Variants in UNC5D observed in about 807,000 individuals in gnomAD.
The protein encoded by UNC5D is netrin receptor UNC5D.
A neutral mutation model predicts 105.4 loss-of-function variants in UNC5D; 39 were observed. That is an observed-to-expected ratio of 0.37 (90% CI 0.29 to 0.48). The LOEUF is 0.48. Ranked by LOEUF, UNC5D falls within the 20% of genes least tolerant of loss-of-function variation. The pLI is 0.98. For synonymous variants in UNC5D, 452 were observed against 450.4 expected (o/e 1.00, Z -0.04); for missense variants, 991 against 1,202.4 (o/e 0.82, Z 2.60).
chr8:35,305,266 G>A (rs1187567462), intron 1 of UNC5D, among the ~76,000 whole-genome samples: 2 of 152,076 alleles, frequency 1.3e-5, no homozygotes, highest in African/African-American at 2.4e-5. Flanking sequence ...ACCACGGTCA[G>A]AACTATCTTA....
chr8:35,569,192 T>A (rs1210797525), intron 3 of UNC5D, among the ~76,000 whole-genome samples: 2 of 152,138 alleles, frequency 1.3e-5, no homozygotes, highest in South Asian at 4.1e-4. Flanking sequence ...ATACACAAAC[T>A]TTTTTTCTCC....
intron 2 of UNC5D, among the ~76,000 whole-genome samples, chr8:35,557,797 G>A (rs1373710329): frequency 6.6e-6 from 1 of 151,986 alleles, no homozygotes; most frequent in African/African-American, 2.4e-5. Context: ...TGGTGTCATG[G>A]CTGTTGTCAC....
rs548663920 is a variant in UNC5D, at chr8:35,631,595, A to G, written c.570+35938A>G. On this transcript the variant is annotated intron_variant, in intron 4 of 16. Coordinates refer to ENST00000404895, the MANE Select transcript of UNC5D (RefSeq NM_080872.4). ...GACTTGGGAAATTAGAGTTTATTGA[A>G]GCAGAAAAGGGCCGAAGTTGCTCAC... 2.6e-4 allele frequency among the ~76,000 whole-genome samples: 39 copies of G among 152,286 alleles called. No homozygotes were observed. In the South Asian group the frequency reaches 7.9e-3, roughly 31 times the overall value.
chr8:35,512,569 A>ATATATATATATATATATATC lies in UNC5D; in HGVS notation c.104-36722_104-36721insATATATATATATATATATCT, dbSNP rs539399345. Among the ~76,000 whole-genome samples, 152 of 64,814 alleles carry ATATATATATATATATATATC rather than the reference A, an allele frequency of 2.3e-3. 36 individuals carry two copies. The highest frequency in any genetic ancestry group is 5.6e-3 in the African/African-American group (70 of 12,428). 42.5% of individuals were successfully genotyped at this position (64,814 alleles called of 152,430 possible). ...TATATATATATATATATATATATAT[A>ATATATATATATATATATATC]TCTGAATAGATTACTAAATGGAGAT... is the stretch of plus-strand genomic sequence containing the variant. On this transcript the variant is annotated intron_variant, in intron 1 of 16. Coordinates refer to ENST00000404895, the MANE Select transcript of UNC5D (RefSeq NM_080872.4).
At chr8:35,675,242 C>T (rs1198945327) in intron 4 of UNC5D, among the ~76,000 whole-genome samples, 1 of 151,986 alleles carries the variant, frequency 6.6e-6, no homozygotes, top group Non-Finnish European at 1.5e-5. Context: ...AATAATGGAC[C>T]CCTCCCTTAC....
At chr8:35,600,602 G>A (rs1165725354) in intron 4 of UNC5D, among the ~76,000 whole-genome samples, 2 of 152,128 alleles carry the variant, frequency 1.3e-5, no homozygotes, top group Non-Finnish European at 2.9e-5. Context: ...GTCTTCTTTT[G>A]AGAAGTGTCT....
intron 1 of UNC5D, among the ~76,000 whole-genome samples, chr8:35,463,641 C>A (rs1809067601): frequency 6.6e-6 from 1 of 151,052 alleles, no homozygotes. Context: ...AAAAAGCTAG[C>A]CAGGTGTGGT....
Position 35,605,545 on chromosome 8 carries a change from G to T in UNC5D, c.570+9888G>T, listed in dbSNP as rs536828786. On this transcript the variant is annotated intron_variant, in intron 4 of 16. Transcript: ENST00000404895. ...GTTCTCAGATCTCAAGCTGTGTGCT[G>T]GGAGAACCACTACTCTCTTCAAAGC... 4.3e-4 allele frequency among the ~76,000 whole-genome samples: 65 copies of T among 152,258 alleles called. 1 individual carries two copies. The highest frequency in any genetic ancestry group is 1.5e-3 in the African/African-American group (64 of 41,554).
At chr8:35,379,803 T>C (rs1359869264) in intron 1 of UNC5D, among the ~76,000 whole-genome samples, 1 of 152,126 alleles carries the variant, frequency 6.6e-6, no homozygotes, top group Non-Finnish European at 1.5e-5. Flanking sequence ...TCATAAAGTC[T>C]AGCTTTGCCT....
chr8:35,481,761 A>C (rs1417005001), intron 1 of UNC5D, among the ~76,000 whole-genome samples: 1 of 152,206 alleles, frequency 6.6e-6, no homozygotes, highest in Non-Finnish European at 1.5e-5. Context: ...ATGCATATTT[A>C]ATAACTGGAT....
intron 1 of UNC5D, among the ~76,000 whole-genome samples, chr8:35,475,959 T>G (rs772487593): frequency 1.3e-5 from 2 of 152,182 alleles, no homozygotes; most frequent in Admixed American, 1.3e-4. Context: ...ACTAGGCTCT[T>G]GGTCTGAAAT....
At position 35,766,976 on chromosome 8, in the gene UNC5D, G is replaced by A. The variant is rs373889343; in HGVS notation, c.2388G>A (p.Thr796=). The change falls in exon 15 of 17, where the codon ACG becomes ACA. Residue 796 remains threonine, a synonymous_variant. Coordinates refer to ENST00000404895, the MANE Select transcript of UNC5D (RefSeq NM_080872.4). ...GTGCCTTCTCCCTGGAGCGTTATAC[G>A]CCCACTACCACCCAGCTGTCCTGCA... is the stretch of plus-strand genomic sequence containing the variant. ...LHCAFSLERY[T]PTTTQLSCKI... 42 of 1,613,866 alleles carry A rather than the reference G, an allele frequency of 2.6e-5. No homozygotes were observed. Among genetic ancestry groups the A allele is most frequent in the African/African-American group, 1.9e-4 (14 of 74,904 alleles).
chr8:35,245,300 A>G (rs1416569812), intron 1 of UNC5D, among the ~76,000 whole-genome samples: 3 of 152,156 alleles, frequency 2.0e-5, no homozygotes, highest in African/African-American at 7.2e-5. Context: ...TGGAAAAAAA[A>G]TACAGAGCAC....
chr8:35,380,759 T>A (rs1802994981), intron 1 of UNC5D, among the ~76,000 whole-genome samples: 1 of 152,174 alleles, frequency 6.6e-6, no homozygotes, highest in South Asian at 2.1e-4. Context: ...CAAAGCAATA[T>A]GTCAATCTGT....
chr8:35,445,440 T>C (rs1334437643), intron 1 of UNC5D, among the ~76,000 whole-genome samples: 6 of 152,120 alleles, frequency 3.9e-5, no homozygotes, highest in South Asian at 4.1e-4. Context: ...ACATTTACTA[T>C]GTCATAAGTG....
chr8:35,512,539 G>GTATGTATA (rs1812814677), intron 1 of UNC5D, among the ~76,000 whole-genome samples: 1 of 40,272 alleles, frequency 2.5e-5, no homozygotes, highest in Non-Finnish European at 4.2e-5. Context: ...AGATATGTAT[G>GTATGTATA]TATATATATA....
intron 1 of UNC5D, among the ~76,000 whole-genome samples, chr8:35,321,445 T>C (rs1399586521): frequency 1.3e-5 from 2 of 152,140 alleles, no homozygotes; most frequent in South Asian, 4.1e-4. Flanking sequence ...TTATAAATGT[T>C]TGGTAGTTCC....
chr8:35,420,283 C>G (rs12334907), intron 1 of UNC5D, among the ~76,000 whole-genome samples: 7,513 of 152,138 alleles, frequency 0.049, 211 homozygotes, highest in African/African-American at 0.073. Flanking sequence ...TTAAAGCATT[C>G]ATAAACCTGG....
At chr8:35,700,756 C>A (rs1055359894) in intron 7 of UNC5D, among the ~76,000 whole-genome samples, 2 of 152,136 alleles carry the variant, frequency 1.3e-5, no homozygotes, top group African/African-American at 4.8e-5. Context: ...TCATATCTGG[C>A]ATGGTGGGAC....
Sources: gnomAD v4.1 joint callset for allele counts (sites outside exome capture counted in the v4.1 genomes callset) on GRCh38, gnomAD v4.1.1 for gene constraint, MANE v1.5 for transcripts, NCBI Gene and HGNC (gene_info 2026-07-23, HGNC 2026-07-21) for gene names.